DNAH9: variants seen among roughly 807,000 people sequenced by gnomAD.
DNAH9 encodes DNAH9 variant protein.
DNAH9 carries 345 observed loss-of-function variants against 471.6 expected under a neutral mutation model. The ratio of observed to expected loss-of-function variants is 0.73; its 90% CI spans 0.67 to 0.80. The LOEUF (loss-of-function observed/expected upper bound fraction) is 0.80, where lower values mean the gene tolerates loss of function less well. Ranked by LOEUF, DNAH9 falls within the 30% of genes least tolerant of loss-of-function variation. The probability of loss-of-function intolerance (pLI) is 0.00; values close to 1 mark genes in which losing one functional copy is unlikely to be tolerated. For synonymous variants in DNAH9, 2,093 were observed against 2,123.6 expected, an observed-to-expected ratio of 0.99 and a Z score of 0.40; for missense variants, 5,407 against 5,609.2, an observed-to-expected ratio of 0.96 and a Z score of 1.15.
At chr17:11,881,435 T>C (rs1972718191) in intron 55 of DNAH9, 22 bp downstream of exon 55, 1 of 1,601,186 alleles carries the variant, frequency 6.2e-7, no homozygotes, top group African/African-American at 1.3e-5. Flanking sequence ...AGGGAGAAAA[T>C]GTTCTGCCAC....
At chr17:11,810,000 G>A (rs1260611453) in intron 44 of DNAH9, among the ~76,000 whole-genome samples, 1 of 152,104 alleles carries the variant, frequency 6.6e-6, no homozygotes, top group Non-Finnish European at 1.5e-5. Context: ...TAGCATGGTT[G>A]TATGAATTAG....
intron 27 of DNAH9, among the ~76,000 whole-genome samples, chr17:11,720,197 T>C (rs375426135): frequency 1.4e-3 from 217 of 152,260 alleles, no homozygotes; most frequent in African/African-American, 4.7e-3. Flanking sequence ...CTTATATAGC[T>C]TCTTTTTTTC....
chr17:11,941,702 A>G (rs1473270594), intron 66 of DNAH9, among the ~76,000 whole-genome samples: 1 of 93,154 alleles, frequency 1.1e-5, no homozygotes, highest in Non-Finnish European at 2.3e-5. Flanking sequence ...CCGGATAGAT[A>G]GATAGATAGA....
At chr17:11,832,899 C>A (rs1970724140) in intron 48 of DNAH9, among the ~76,000 whole-genome samples, 2 of 152,200 alleles carry the variant, frequency 1.3e-5, no homozygotes, top group South Asian at 2.1e-4. Context: ...ATAAATAGGT[C>A]TGTGTCTTTC....
At chr17:11,807,626 T>C in intron 43 of DNAH9, 106 bp from the exon 44 acceptor site, 1 of 1,235,868 alleles carries the variant, frequency 8.1e-7, no homozygotes, top group Non-Finnish European at 1.1e-6. Flanking sequence ...GCTCAGCCTG[T>C]GACGTGCCTC....
intron 1 of DNAH9, among the ~76,000 whole-genome samples, chr17:11,607,555 G>C (rs945066647): frequency 4.6e-5 from 7 of 152,030 alleles, no homozygotes; most frequent in Non-Finnish European, 8.8e-5. Flanking sequence ...TCTTGATAAA[G>C]AGTTTTTTGT....
At chr17:11,896,984 G>A (rs1973239947) in intron 59 of DNAH9, among the ~76,000 whole-genome samples, 1 of 152,184 alleles carries the variant, frequency 6.6e-6, no homozygotes, top group African/African-American at 2.4e-5. Flanking sequence ...CAGCTCCTTG[G>A]GAGGCTGAGG....
At chr17:11,664,411 C>T (rs911860627) in intron 14 of DNAH9, among the ~76,000 whole-genome samples, 8 of 152,178 alleles carry the variant, frequency 5.3e-5, no homozygotes, top group Admixed American at 3.3e-4. Flanking sequence ...CCAGAAAATG[C>T]TTTGCTTCTT....
rs1318854691 is a variant in DNAH9, at chr17:11,854,344, A to G, written c.9849A>G (p.Glu3283=). The part of the protein sequence containing the change: ...VRFYEVFCDV[E]PKRQALNKAT... ...TTTATGAGGTGTTCTGTGATGTGGA[A>G]CCCAAGCGCCAGGCACTGAACAAAG... The change falls in exon 50 of 69, where the codon GAA becomes GAG. Residue 3283 remains glutamate, a synonymous_variant. Coordinates refer to ENST00000262442, the MANE Select transcript of DNAH9 (RefSeq NM_001372.4). The G allele has an allele frequency of 2.5e-6, 4 of 1,613,896 alleles. No individual in the cohort carries two copies. The Admixed American group carries it at 5.0e-5, about 20-fold the overall frequency.
intron 19 of DNAH9, among the ~76,000 whole-genome samples, chr17:11,683,997 TATGTGTGGC>T (rs1379047484): frequency 1.8e-4 from 27 of 152,244 alleles, no homozygotes; most frequent in African/African-American, 6.3e-4. Flanking sequence ...TTGTAGGTAT[TATGTGTGGC>T]ATGTGAGTTT....
chr17:11,721,603 C>G (rs1477448045), intron 27 of DNAH9, among the ~76,000 whole-genome samples: 3 of 151,240 alleles, frequency 2.0e-5, no homozygotes, highest in Non-Finnish European at 2.9e-5. Flanking sequence ...AAAAACAGAT[C>G]ATATGGGGAG....
At position 11,923,835 on chromosome 17, in the gene DNAH9, T is replaced by C; in HGVS notation, c.11771T>C (p.Phe3924Ser). ...ESQGRKLGYT[F>S]NNQNFHNVSL... ...TTAGGAAGAAAACTTGGATACACCT[T>C]CAACAATCAGAACTTTCACAACGTG... Residue 3924 changes from phenylalanine (F) to serine (S), a missense_variant, in exon 62 of 69, where the codon TTC becomes TCC. By Grantham distance (155) the Phe-to-Ser change is radical. Transcript: ENST00000262442. 6.2e-7 allele frequency: 1 copy of C among 1,613,974 alleles called. No homozygotes were observed. Among genetic ancestry groups the C allele is most frequent in the Non-Finnish European group, 8.5e-7 (1 of 1,179,928 alleles).
chr17:11,892,362 T>C lies in DNAH9; in HGVS notation c.11283+415T>C, dbSNP rs531505362. 1.6e-4 allele frequency among the ~76,000 whole-genome samples: 24 copies of C among 152,314 alleles called. No individual in the cohort carries two copies. The highest frequency in any genetic ancestry group is 1.6e-3 in the Admixed American group (24 of 15,308). ...TACCTTTAGACTGCAAGTTTACTGA[T>C]GCAGCCATCCCCCGGGATAAGAAAT... On this transcript the variant is annotated intron_variant, in intron 58 of 68. Transcript: ENST00000262442. The surrounding 1 kb of genome is among the most constrained non-coding windows in gnomAD (Gnocchi z 4.3).
chr17:11,679,110 C>T (rs2074093410), intron 17 of DNAH9, among the ~76,000 whole-genome samples: 1 of 152,038 alleles, frequency 6.6e-6, no homozygotes, highest in Non-Finnish European at 1.5e-5. Context: ...TAAGCCTTCT[C>T]TTTTATTGTT....
Position 11,643,905 on chromosome 17 carries a change from T to C in DNAH9, c.1902-726T>C, listed in dbSNP as rs143074148. Among the ~76,000 whole-genome samples the C allele has an allele frequency of 2.4e-3, 364 of 152,166 alleles. 8 individuals carry two copies. The East Asian group carries it at 0.062, about 26-fold the overall frequency. On this transcript the variant is annotated intron_variant, in intron 10 of 68. Transcript: ENST00000262442. ...TTGTGTATCTAAACATATCTGAACA[T>C]AGAAAAAGTACAGCAAAAAATAAGG...
At chr17:11,891,025 T>C (rs1973033883) in intron 57 of DNAH9, among the ~76,000 whole-genome samples, 1 of 152,220 alleles carries the variant, frequency 6.6e-6, no homozygotes, top group Admixed American at 6.5e-5. Flanking sequence ...TCTATTCATA[T>C]CACATTTAAA....
intron 41 of DNAH9, among the ~76,000 whole-genome samples, chr17:11,790,443 T>C (rs955922829): frequency 1.2e-4 from 19 of 152,028 alleles, no homozygotes; most frequent in African/African-American, 4.6e-4. Flanking sequence ...CTAAAAACGA[T>C]GTTTGCTTTA....
intron 26 of DNAH9, among the ~76,000 whole-genome samples, chr17:11,712,898 TAA>T (rs113893171): frequency 6.8e-6 from 1 of 147,752 alleles, no homozygotes; most frequent in African/African-American, 2.5e-5. Context: ...ATGAGTTATT[TAA>T]AAAAAAAAAC....
At chr17:11,918,245 GTT>G (rs34516993) in intron 61 of DNAH9, among the ~76,000 whole-genome samples, 4 of 99,586 alleles carry the variant, frequency 4.0e-5, no homozygotes, top group African/African-American at 1.6e-4. Context: ...GTTTTGTTTT[GTT>G]TTGAGACAGG....
Sources: allele counts gnomAD v4.1 joint callset (sites outside exome capture counted in the v4.1 genomes callset), GRCh38; gene constraint gnomAD v4.1.1; non-coding constraint Gnocchi (gnomAD v3.1); transcripts MANE v1.5; gene names NCBI Gene and HGNC (gene_info 2026-07-23, HGNC 2026-07-21).